The following SEMG1 variants were observed in gnomAD, a reference collection of about 807,000 sequenced individuals.
SEMG1 encodes the protein semenogelin 1.
SEMG1 carries 6 observed loss-of-function variants against 8.8 expected under a neutral mutation model. The ratio of observed to expected loss-of-function variants is 0.68; its 90% confidence interval spans 0.37 to 1.35. SEMG1 has a LOEUF of 1.35. Ranked by LOEUF, SEMG1 falls within the 40% of genes most tolerant of loss-of-function variation. The pLI is 0.02. For missense variants in SEMG1, 580 were observed against 533.6 expected (o/e 1.09, Z -0.86); for synonymous variants, 221 against 190.3 (o/e 1.16, Z -1.33).
chr20:45,208,792 C>CT (rs1983778933), intron 2 of SEMG1, 62 bp downstream of exon 2: 3 of 791,346 alleles, frequency 3.8e-6, no homozygotes, highest in Non-Finnish European at 6.2e-6. Context: ...GTTGGGGACT[C>CT]TCCAGGACTT....
Position 45,208,142 on chromosome 20 carries a change from A to G in SEMG1, c.845A>G (p.Lys282Arg). ...NLNQDQQHGRKANKISYQSSS... is the reference protein window; with the variant it reads ...NLNQDQQHGRRANKISYQSSS... The stretch of plus-strand genomic sequence containing the variant: ...AATCAAGATCAACAGCATGGCCGAA[A>G]GGCAAATAAAATATCATACCAATCT... Residue 282 changes from lysine to arginine, a missense_variant, in exon 2 of 3, where the codon AAG becomes AGG. Lys to Arg is a conservative substitution (Grantham distance 26). Coordinates refer to ENST00000372781, the MANE Select transcript of SEMG1 (RefSeq NM_003007.5). 1 of 1,614,124 alleles carries G rather than the reference A, an allele frequency of 6.2e-7. No individual in the cohort carries two copies. Among genetic ancestry groups the G allele is most frequent in the South Asian group, 1.1e-5 (1 of 91,072 alleles).
Position 45,208,185 on chromosome 20 carries a change from A to T in SEMG1, c.888A>T (p.Arg296Ser). The T allele has an allele frequency of 1.2e-6, 2 of 1,614,138 alleles. No individual in the cohort carries two copies. The highest frequency in any genetic ancestry group is 1.7e-6 in the Non-Finnish European group (2 of 1,180,008). The change falls in exon 2 of 3, where the codon AGA (arginine) becomes AGT (serine). Residue 296 changes from arginine (R) to serine (S), a missense_variant. Arg to Ser is a moderately radical substitution (Grantham distance 110). Transcript: ENST00000372781. ...ISYQSSSTEE[R>S]RLHYGENGVQ... is the part of the protein sequence containing the mutation. ...ACCAATCTTCAAGTACAGAAGAAAG[A>T]CGACTCCACTATGGAGAAAATGGTG...
In SEMG1 at chr20:45,208,454, C is replaced by T; in HGVS notation, c.1157C>T (p.Ser386Phe). ...ACTGAAAAGCTAGTAGCAGGCAAGTCTCAAATCCAGGCACCAAATCCTAAG... is the reference window on the plus strand; with the variant it reads ...ACTGAAAAGCTAGTAGCAGGCAAGTTTCAAATCCAGGCACCAAATCCTAAG... Reference protein sequence around the residue: ...SQTEKLVAGKSQIQAPNPKQE... With the variant: ...SQTEKLVAGKFQIQAPNPKQE... Residue 386 changes from serine to phenylalanine, a missense_variant, in exon 2 of 3, where the codon TCT becomes TTT. Coordinates refer to ENST00000372781, the MANE Select transcript of SEMG1 (RefSeq NM_003007.5). 2 of 1,613,980 alleles carry T rather than the reference C, an allele frequency of 1.2e-6. No individual in the cohort carries two copies. Among genetic ancestry groups the T allele is most frequent in the Non-Finnish European group, 1.7e-6 (2 of 1,179,970 alleles).
chr20:45,208,857 T>A, intron 2 of SEMG1, 127 bp downstream of exon 2: 1 of 523,374 alleles, frequency 1.9e-6, no homozygotes, highest in South Asian at 3.4e-5. Context: ...TAACAAGTGG[T>A]AGGAAGATGA....
intron 2 of SEMG1, among the ~76,000 whole-genome samples, chr20:45,209,023 T>C (rs974896387): frequency 6.6e-6 from 1 of 152,224 alleles, no homozygotes; most frequent in Non-Finnish European, 1.5e-5. Flanking sequence ...GAACAGGTAC[T>C]GACTACATAT....
intron 2 of SEMG1, among the ~76,000 whole-genome samples, chr20:45,209,174 T>C (rs572902785): frequency 2.3e-4 from 35 of 152,304 alleles, no homozygotes; most frequent in Admixed American, 1.6e-3. Context: ...CTTGCATCCC[T>C]GTTAGGGTTC....
intron 1 of SEMG1, 26 bp from the exon 2 acceptor site, chr20:45,207,348 C>T (rs754010831): frequency 3.3e-5 from 52 of 1,552,930 alleles, no homozygotes; most frequent in Non-Finnish European, 4.2e-5. Context: ...ATAATGAATG[C>T]ATACCTTCTT....
At position 45,207,887 on chromosome 20, in the gene SEMG1, A is replaced by G; in HGVS notation, c.590A>G (p.Gln197Arg). ...QGGSQSSYVL[Q>R]TEELVANKQQ... ...GGATCCCAAAGCAGTTATGTTCTCC[A>G]AACTGAAGAGCTAGTAGCTAACAAA... The change falls in exon 2 of 3, where the codon CAA becomes CGA. Residue 197 changes from glutamine to arginine, a missense_variant. Transcript: ENST00000372781. 2 of 1,614,100 alleles carry G rather than the reference A, an allele frequency of 1.2e-6. No individual in the cohort carries two copies. The highest frequency in any genetic ancestry group is 1.7e-6 in the Non-Finnish European group (2 of 1,179,976).
In SEMG1 at chr20:45,208,442, T is replaced by G; in HGVS notation, c.1145T>G (p.Val382Gly). Residue 382 changes from valine (V) to glycine (G), a missense_variant, in exon 2 of 3, where the codon GTA (valine) becomes GGA (glycine). Val to Gly is a moderately radical substitution (Grantham distance 109). Transcript: ENST00000372781. ...ATTTATAGCCAAACTGAAAAGCTAG[T>G]AGCAGGCAAGTCTCAAATCCAGGCA... ...RSIYSQTEKL[V>G]AGKSQIQAPN... 1 of 1,613,950 alleles carries G rather than the reference T, an allele frequency of 6.2e-7. No homozygotes were observed. Among genetic ancestry groups the G allele is most frequent in the South Asian group, 1.1e-5 (1 of 91,056 alleles).
rs369913753 is a variant in SEMG1 at position 45,208,633 on chromosome 20, G to A, written c.1336G>A (p.Asp446Asn). The change falls in exon 2 of 3, where the codon GAT (aspartate) becomes AAT (asparagine). Residue 446 changes from aspartate to asparagine, a missense_variant. Coordinates refer to ENST00000372781, the MANE Select transcript of SEMG1 (RefSeq NM_003007.5). ...IVIIEQEDDSDRHLAQHLNND... is the reference protein window; with the variant it reads ...IVIIEQEDDSNRHLAQHLNND... ...AATTATAGAGCAGGAAGATGACAGT[G>A]ATCGTCATTTGGCACAACATCTTAA... is the stretch of plus-strand genomic sequence containing the variant. 5 of 1,612,766 alleles carry A rather than the reference G, an allele frequency of 3.1e-6. No individual in the cohort carries two copies. Among genetic ancestry groups the A allele is most frequent in the Non-Finnish European group, 4.2e-6 (5 of 1,179,582 alleles).
chr20:45,208,054 A>G lies in SEMG1; in HGVS notation c.757A>G (p.Ile253Val). The G allele has an allele frequency of 3.1e-6, 5 of 1,614,106 alleles. No individual in the cohort carries two copies. Among genetic ancestry groups the G allele is most frequent in the African/African-American group, 1.3e-5 (1 of 75,042 alleles). The change falls in exon 2 of 3, where the codon ATT (isoleucine) becomes GTT (valine). Residue 253 changes from isoleucine (I) to valine (V), a missense_variant. Coordinates refer to ENST00000372781, the MANE Select transcript of SEMG1 (RefSeq NM_003007.5). ...QDKLQHGSKDIFSTQDELLVY... is the reference protein window; with the variant it reads ...QDKLQHGSKDVFSTQDELLVY... ...CAAACTCCAACATGGATCCAAAGACATTTTTTCTACCCAAGATGAGCTCCT... is the reference window on the plus strand; with the variant it reads ...CAAACTCCAACATGGATCCAAAGACGTTTTTTCTACCCAAGATGAGCTCCT...
At position 45,207,889 on chromosome 20, in the gene SEMG1, A is replaced by G; in HGVS notation, c.592A>G (p.Thr198Ala). The stretch of plus-strand genomic sequence containing the variant: ...ATCCCAAAGCAGTTATGTTCTCCAA[A>G]CTGAAGAGCTAGTAGCTAACAAACA... Reference protein sequence around the residue: ...GGSQSSYVLQTEELVANKQQR... With the variant: ...GGSQSSYVLQAEELVANKQQR... The change falls in exon 2 of 3, where the codon ACT (threonine) becomes GCT (alanine). Residue 198 changes from threonine to alanine, a missense_variant. By Grantham distance (58) the Thr-to-Ala change is moderately conservative (BLOSUM62 0). Coordinates refer to ENST00000372781, the MANE Select transcript of SEMG1 (RefSeq NM_003007.5). 2 of 1,614,072 alleles carry G rather than the reference A, an allele frequency of 1.2e-6. No individual in the cohort carries two copies. The highest frequency in any genetic ancestry group is 1.7e-6 in the Non-Finnish European group (2 of 1,179,978).
At position 45,207,066 on chromosome 20, in the gene SEMG1, A is replaced by G. The variant is rs1402720942; in HGVS notation, c.13A>G (p.Ile5Val). ...TTTTCCAAGCAAGATGAAGCCCAAC[A>G]TCATCTTTGTACTTTCCCTGCTCCT... MKPNIIFVLSLLLIL... is the reference protein window; with the variant it reads MKPNVIFVLSLLLIL... Residue 5 changes from isoleucine (I) to valine (V), a missense_variant, in exon 1 of 3, where the codon ATC becomes GTC. Ile to Val is a conservative substitution (Grantham distance 29). Transcript: ENST00000372781. The G allele has an allele frequency of 3.1e-6, 5 of 1,613,638 alleles. No individual in the cohort carries two copies. The highest frequency in any genetic ancestry group is 2.5e-6 in the Non-Finnish European group (3 of 1,179,758).
chr20:45,207,231 C>T, intron 1 of SEMG1, 102 bp downstream of exon 1: 2 of 1,511,762 alleles, frequency 1.3e-6, no homozygotes, highest in Non-Finnish European at 1.8e-6. Context: ...AGATTCTTCT[C>T]TTTGAAGAGA....
At position 45,208,639 on chromosome 20, in the gene SEMG1, C is replaced by T. The variant is rs773831989; in HGVS notation, c.1342C>T (p.His448Tyr). Residue 448 changes from histidine to tyrosine, a missense_variant, in exon 2 of 3, where the codon CAT (histidine) becomes TAT (tyrosine). Transcript: ENST00000372781. ...AGAGCAGGAAGATGACAGTGATCGT[C>T]ATTTGGCACAACATCTTAACAACGA... ...IIEQEDDSDR[H>Y]LAQHLNNDRN... 1 of 1,612,510 alleles carries T rather than the reference C, an allele frequency of 6.2e-7. No homozygotes were observed. Among genetic ancestry groups the T allele is most frequent in the Admixed American group, 1.7e-5 (1 of 59,740 alleles).
Position 45,208,157 on chromosome 20 carries a change from CA to C in SEMG1, c.861del (p.Tyr288ThrfsTer43). The C allele has an allele frequency of 6.2e-7, 1 of 1,614,036 alleles. No individual in the cohort carries two copies. Reference protein sequence around the residue: ...QQHGRKANKISYQSSSTEERR... With the variant: ...QQHGRKANKIXYQSSSTEERR... ...CATGGCCGAAAGGCAAATAAAATAT[CA>C]TACCAATCTTCAAGTACAGAAGAAA... On this transcript the variant is annotated frameshift_variant, in exon 2 of 3. Coordinates refer to ENST00000372781, the MANE Select transcript of SEMG1 (RefSeq NM_003007.5). LOFTEE classifies it low-confidence loss of function (END_TRUNC).
chr20:45,208,721 C>G lies in SEMG1; in HGVS notation c.*35C>G, dbSNP rs1214910028. On this transcript the variant is annotated 3_prime_UTR_variant, in exon 2 of 3. Transcript: ENST00000372781. ...TCGGTAACCATGTGAAAGGATGGAC[C>G]AATATCAAGGTAATTTTTTTTTAGC... 1 of 1,443,778 alleles carries G rather than the reference C, an allele frequency of 6.9e-7. No individual in the cohort carries two copies. The highest frequency in any genetic ancestry group is 9.5e-7 in the Non-Finnish European group (1 of 1,054,278). 89.4% of individuals were successfully genotyped at this position (1,443,778 alleles called of 1,614,324 possible).
intron 1 of SEMG1, 65 bp from the exon 2 acceptor site, chr20:45,207,309 G>A: frequency 4.1e-6 from 6 of 1,451,256 alleles, no homozygotes; most frequent in South Asian, 1.3e-5. Context: ...GGAAAAGTGG[G>A]GGGTAAGAGT....
At chr20:45,208,980 T>C (rs1407292152) in intron 2 of SEMG1, among the ~76,000 whole-genome samples, 3 of 152,228 alleles carry the variant, frequency 2.0e-5, no homozygotes, top group Non-Finnish European at 4.4e-5. Flanking sequence ...AATAATATTT[T>C]TTTGTATATG....
Sources: allele counts gnomAD v4.1 joint callset (sites outside exome capture counted in the v4.1 genomes callset), GRCh38; gene constraint gnomAD v4.1.1; transcripts MANE v1.5; gene names NCBI Gene and HGNC (gene_info 2026-07-23, HGNC 2026-07-21).